Variants in KIT observed in about 807,000 individuals in gnomAD.
KIT encodes KIT proto-oncogene, receptor tyrosine kinase, also known as mast/stem cell growth factor receptor Kit.
A neutral mutation model predicts 105.7 loss-of-function variants in KIT; 16 were observed. That is an observed-to-expected ratio of 0.15 (90% CI 0.10 to 0.23). KIT has a LOEUF of 0.23. KIT is among the 10% of genes least tolerant of loss of function. KIT has a pLI of 1.00. For synonymous variants in KIT, 438 were observed against 441.1 expected (o/e 0.99, Z 0.09); for missense variants, 858 against 1,213.8 (o/e 0.71, Z 4.36).
rs368272654 is a variant in KIT at position 54,736,670 on chromosome 4, T to C, written c.2597-51T>C. 3.4e-3 allele frequency: 5,494 copies of C among 1,601,304 alleles called. 16 individuals are homozygous for C. The highest frequency in any genetic ancestry group is 4.2e-3 in the Non-Finnish European group (4,942 of 1,168,446). ...CTCAGAGCATCTTCTTGAAGTTTCATTGGTGTCCTGCTTCCTTGTGATTAA... is the reference window on the plus strand; with the variant it reads ...CTCAGAGCATCTTCTTGAAGTTTCACTGGTGTCCTGCTTCCTTGTGATTAA... On this transcript the variant is annotated intron_variant, in intron 18 of 20. Transcript: ENST00000288135.
intron 6 of KIT, among the ~76,000 whole-genome samples, chr4:54,708,306 G>C (rs1720917886): frequency 1.3e-5 from 2 of 152,164 alleles, no homozygotes; most frequent in Admixed American, 1.3e-4. Context: ...AAACGCCCTA[G>C]AAGCAGAGCC....
rs1020486551 is a variant in KIT, at chr4:54,733,799, T to A, written c.2484+607T>A. Among the ~76,000 whole-genome samples, 3 of 152,308 alleles carry A rather than the reference T, an allele frequency of 2.0e-5. No individual in the cohort carries two copies. The East Asian group carries it at 5.8e-4, about 29-fold the overall frequency. On this transcript the variant is annotated intron_variant, in intron 17 of 20. Transcript: ENST00000288135. ...GGAGAAACTAAGGCATGGCATATTT[T>A]AGTGCTTTTTATCTGAGGTGACACA...
intron 7 of KIT, among the ~76,000 whole-genome samples, chr4:54,714,286 G>C (rs892502502): frequency 3.9e-5 from 6 of 152,098 alleles, no homozygotes; most frequent in African/African-American, 1.4e-4. Context: ...AAATGACATT[G>C]CCAAGATGCT....
rs752748940 is a variant in KIT, at chr4:54,738,524, C to T, written c.2898C>T (p.Ser966=). ...ATTCTGTCGGCAGCACCGCTTCCTC[C>T]TCCCAGCCTCTGCTTGTGCACGACG... The part of the protein sequence containing the change: ...RINSVGSTAS[S]SQPLLVHDDV The change falls in exon 21 of 21, where the codon TCC becomes TCT. Residue 966 remains serine, a synonymous_variant. Transcript: ENST00000288135. 4 of 1,614,148 alleles carry T rather than the reference C, an allele frequency of 2.5e-6. No individual in the cohort carries two copies. Among genetic ancestry groups the T allele is most frequent in the Non-Finnish European group, 2.5e-6 (3 of 1,180,038 alleles).
At chr4:54,691,604 G>A (rs1281964671) in intron 1 of KIT, among the ~76,000 whole-genome samples, 1 of 152,114 alleles carries the variant, frequency 6.6e-6, no homozygotes, top group African/African-American at 2.4e-5. Flanking sequence ...TAACCCCATG[G>A]CAGTTCCTTT....
intron 11 of KIT, 68 bp downstream of exon 11, chr4:54,727,610 C>T (rs1722321267): frequency 1.3e-6 from 2 of 1,585,212 alleles, no homozygotes; most frequent in Non-Finnish European, 1.7e-6. Flanking sequence ...TTAAGGAACT[C>T]CAGTGGCTTC....
At chr4:54,670,948 A>G (rs1718068215) in intron 1 of KIT, among the ~76,000 whole-genome samples, 1 of 150,966 alleles carries the variant, frequency 6.6e-6, no homozygotes, top group Non-Finnish European at 1.5e-5. Context: ...TTCCCTGGGG[A>G]AAAAAATATG....
At chr4:54,716,147 G>A (rs1333160825) in intron 7 of KIT, among the ~76,000 whole-genome samples, 1 of 152,196 alleles carries the variant, frequency 6.6e-6, no homozygotes, top group Non-Finnish European at 1.5e-5. Context: ...TTGCTTTTCA[G>A]TGTTTTCCCC....
At chr4:54,732,091 C>T (rs187793760) in intron 16 of KIT, 93 bp downstream of exon 16, 94 of 1,345,066 alleles carry the variant, frequency 7.0e-5, no homozygotes, top group Admixed American at 2.0e-4. Flanking sequence ...CATTTTAGAG[C>T]CATAGTTAAA....
chr4:54,738,597 CTT>C lies in KIT; in HGVS notation c.*41_*42del. 1 of 1,610,544 alleles carries C rather than the reference CTT, an allele frequency of 6.2e-7. No homozygotes were observed. Reference sequence around the variant, plus strand: ...TGGGTCACCCCTCCAGGAATGATCTCTTCTTTTGGCTTCCATGATGGTTATTT... The same window carrying C: ...TGGGTCACCCCTCCAGGAATGATCTCCTTTTGGCTTCCATGATGGTTATTT... On this transcript the variant is annotated 3_prime_UTR_variant, in exon 21 of 21. Transcript: ENST00000288135.
chr4:54,664,753 G>A (rs532364570), intron 1 of KIT, among the ~76,000 whole-genome samples: 3 of 151,962 alleles, frequency 2.0e-5, no homozygotes, highest in South Asian at 2.1e-4. Context: ...GACCCCAGGC[G>A]TGTGCCACCA....
chr4:54,736,746 G>T lies in KIT; in HGVS notation c.2622G>T (p.Pro874=), dbSNP rs55817813. The part of the protein sequence containing the change: ...SLGSSPYPGM[P]VDSKFYKMIK... ...GAAGCAGCCCCTATCCTGGAATGCCGGTCGATTCTAAGTTCTACAAGATGA... is the reference window on the plus strand; with the variant it reads ...GAAGCAGCCCCTATCCTGGAATGCCTGTCGATTCTAAGTTCTACAAGATGA... Residue 874 remains proline, a synonymous_variant, in exon 19 of 21, where the codon CCG becomes CCT. Coordinates refer to ENST00000288135, the MANE Select transcript of KIT (RefSeq NM_000222.3). 1 of 1,614,058 alleles carries T rather than the reference G, an allele frequency of 6.2e-7. No individual in the cohort carries two copies. Among genetic ancestry groups the T allele is most frequent in the East Asian group, 2.2e-5 (1 of 44,874 alleles).
chr4:54,724,840 G>A (rs759604464), intron 8 of KIT, among the ~76,000 whole-genome samples: 2 of 152,168 alleles, frequency 1.3e-5, no homozygotes, highest in Admixed American at 6.5e-5. Context: ...GCCGTCCTGG[G>A]CCACATGTGG....
In KIT at chr4:54,699,866, G is replaced by A. The variant is rs1300155527; in HGVS notation, c.756+100G>A. ...GTCCTGAAACTGCCTCGACTAGTGC[G>A]TCTGTCAGAGGTGGATTGTCTGGGA... On this transcript the variant is annotated intron_variant, in intron 4 of 20. Coordinates refer to ENST00000288135, the MANE Select transcript of KIT (RefSeq NM_000222.3). 25 of 1,282,172 alleles carry A rather than the reference G, an allele frequency of 1.9e-5. 1 individual carries two copies. The highest frequency in any genetic ancestry group is 4.8e-5 in the South Asian group (4 of 83,312). 79.4% of individuals were successfully genotyped at this position (1,282,172 alleles called of 1,614,324 possible).
chr4:54,732,954 C>A, intron 16 of KIT, 116 bp from the exon 17 acceptor site: 1 of 863,536 alleles, frequency 1.2e-6, no homozygotes, highest in Non-Finnish European at 1.8e-6. Flanking sequence ...TACTTTAAAA[C>A]AAAAGTATTG....
chr4:54,709,055 C>T (rs1038089390), intron 6 of KIT, among the ~76,000 whole-genome samples: 1 of 151,516 alleles, frequency 6.6e-6, no homozygotes, highest in African/African-American at 2.4e-5. Flanking sequence ...GAGTTCAGGA[C>T]ACTGTGGAGA....
chr4:54,671,271 C>T (rs910304625), intron 1 of KIT, among the ~76,000 whole-genome samples: 3 of 152,184 alleles, frequency 2.0e-5, no homozygotes, highest in African/African-American at 7.2e-5. Context: ...AATTCTTGGG[C>T]ACTGGAGTAG....
chr4:54,738,920 T>C lies in KIT; in HGVS notation c.*363T>C, dbSNP rs1723086772. On this transcript the variant is annotated 3_prime_UTR_variant, in exon 21 of 21. Transcript: ENST00000288135. ...CCTGAATAAATGGTAGTAATCACAG[T>C]TGGCCTTCAGAACCATCCATAGTAG... The C allele has an allele frequency of 1.0e-5, 6 of 591,146 alleles. No individual in the cohort carries two copies. Among genetic ancestry groups the C allele is most frequent in the Non-Finnish European group, 6.0e-6 (2 of 333,680 alleles). The allele number at this position is 591,146 out of a possible 1,614,324, so 36.6% of individuals were successfully genotyped here.
chr4:54,670,042 G>A (rs1487546159), intron 1 of KIT, among the ~76,000 whole-genome samples: 37 of 152,188 alleles, frequency 2.4e-4, no homozygotes, highest in Non-Finnish European at 4.4e-5. Context: ...TGTAACTTCA[G>A]AGCAGCAGGC....
Sources: gnomAD v4.1 joint callset for allele counts (sites outside exome capture counted in the v4.1 genomes callset) on GRCh38, gnomAD v4.1.1 for gene constraint, MANE v1.5 for transcripts, NCBI Gene and HGNC (gene_info 2026-07-23, HGNC 2026-07-21) for gene names.